Variants in CNTNAP5 observed in about 807,000 individuals in gnomAD.
The protein encoded by CNTNAP5 is contactin-associated protein-like 5.
CNTNAP5 carries 72 observed loss-of-function variants against 150.2 expected under a neutral mutation model. That is an observed-to-expected ratio of 0.48 (90% CI 0.40 to 0.58). The LOEUF is 0.58. CNTNAP5 is among the 20% of genes least tolerant of loss of function. The pLI, the probability that CNTNAP5 is intolerant of heterozygous loss-of-function variation, is 0.00. For synonymous variants in CNTNAP5, 672 were observed against 619.8 expected, an observed-to-expected ratio of 1.08 and a Z score of -1.25; for missense variants, 1,636 against 1,626.2, an observed-to-expected ratio of 1.01 and a Z score of -0.10.
At chr2:124,090,872 G>A (rs1682796917) in intron 1 of CNTNAP5, among the ~76,000 whole-genome samples, 1 of 152,138 alleles carries the variant, frequency 6.6e-6, no homozygotes, top group Non-Finnish European at 1.5e-5. Flanking sequence ...GAAATAAGTA[G>A]GATTCAAACA....
chr2:124,673,752 G>A (rs1678869871), intron 13 of CNTNAP5, among the ~76,000 whole-genome samples: 1 of 143,714 alleles, frequency 7.0e-6, no homozygotes, highest in Admixed American at 6.9e-5. Flanking sequence ...TTTCTGCAGA[G>A]TCCTACAGCA....
chr2:124,914,443 G>A lies in CNTNAP5; in HGVS notation c.*155G>A. The A allele has an allele frequency of 1.6e-6, 1 of 635,998 alleles. No individual in the cohort carries two copies. The highest frequency in any genetic ancestry group is 2.8e-6 in the Non-Finnish European group (1 of 362,028). 39.4% of individuals were successfully genotyped at this position (635,998 alleles called of 1,614,324 possible). ...CATCCACCACAGCATCAATTCCCTT[G>A]ATCCAGCCCAAGAGACCAGGCAGCC... On this transcript the variant is annotated 3_prime_UTR_variant, in exon 24 of 24. Transcript: ENST00000682447.
At chr2:124,412,865 C>A (rs1368603605) in intron 3 of CNTNAP5, among the ~76,000 whole-genome samples, 2 of 102,356 alleles carry the variant, frequency 2.0e-5, no homozygotes, top group Non-Finnish European at 3.9e-5. Flanking sequence ...GCAACAAAAG[C>A]CAAAATTGAC....
At chr2:124,336,947 C>G (rs1487493499) in intron 3 of CNTNAP5, among the ~76,000 whole-genome samples, 1 of 152,114 alleles carries the variant, frequency 6.6e-6, no homozygotes, top group African/African-American at 2.4e-5. Flanking sequence ...GAGGAATCGC[C>G]ACACTGATTT....
chr2:124,611,962 G>A (rs1290108557), intron 12 of CNTNAP5, among the ~76,000 whole-genome samples: 2 of 152,188 alleles, frequency 1.3e-5, no homozygotes, highest in Non-Finnish European at 1.5e-5. Flanking sequence ...GAGAATATGA[G>A]CATTTCATGA....
chr2:124,040,786 G>C (rs1394543577), intron 1 of CNTNAP5, among the ~76,000 whole-genome samples: 1 of 151,958 alleles, frequency 6.6e-6, no homozygotes, highest in Non-Finnish European at 1.5e-5. Context: ...TATTATAACT[G>C]TTGCATTAAT....
intron 13 of CNTNAP5, among the ~76,000 whole-genome samples, chr2:124,703,413 C>T (rs557220560): frequency 1.2e-4 from 19 of 152,232 alleles, no homozygotes; most frequent in African/African-American, 4.1e-4. Context: ...ACTTGCTCAG[C>T]TTGCATATCT....
chr2:124,570,032 G>A (rs765134091), intron 11 of CNTNAP5, among the ~76,000 whole-genome samples: 3 of 152,174 alleles, frequency 2.0e-5, no homozygotes, highest in Non-Finnish European at 4.4e-5. Flanking sequence ...TAGAAATGGT[G>A]AGACAGAAGA....
chr2:124,619,747 C>A (rs991145785), intron 12 of CNTNAP5, among the ~76,000 whole-genome samples: 3 of 150,896 alleles, frequency 2.0e-5, no homozygotes, highest in Non-Finnish European at 4.4e-5. Context: ...CTTCCTGGGT[C>A]TCTTGTCTGC....
chr2:124,075,445 A>G lies in CNTNAP5; in HGVS notation c.82+49713A>G, dbSNP rs58790623. 5.3e-3 allele frequency among the ~76,000 whole-genome samples: 799 copies of G among 152,166 alleles called. 29 individuals carry two copies. The East Asian group carries it at 0.075, about 14-fold the overall frequency. On this transcript the variant is annotated intron_variant, in intron 1 of 23. Transcript: ENST00000682447. Reference sequence around the variant, plus strand: ...CCTTTTTGTCACAATCACTTTTCTCATTTATGTTGATAAGTTCATCTTTGC... The same window carrying G: ...CCTTTTTGTCACAATCACTTTTCTCGTTTATGTTGATAAGTTCATCTTTGC...
At chr2:124,400,669 G>GTTTTTTTTTTTTTTTTTTTTTTTTTTTTT (rs760418441) in intron 3 of CNTNAP5, among the ~76,000 whole-genome samples, 4 of 84,498 alleles carry the variant, frequency 4.7e-5, no homozygotes, top group African/African-American at 7.5e-5. Context: ...TAAAGGCATT[G>GTTTTTTTTTTTTTTTTTTTTTTTTTTTTT]TTTTTTTTTT....
chr2:124,479,298 T>C (rs1374705505), intron 7 of CNTNAP5, among the ~76,000 whole-genome samples: 13 of 152,300 alleles, frequency 8.5e-5, no homozygotes, highest in Non-Finnish European at 1.6e-4. Flanking sequence ...TTTCATACCT[T>C]GCACTCCATC....
chr2:124,562,537 A>G (rs977361127), intron 10 of CNTNAP5, among the ~76,000 whole-genome samples: 4 of 152,176 alleles, frequency 2.6e-5, no homozygotes, highest in Non-Finnish European at 5.9e-5. Flanking sequence ...GCCTTAAGAC[A>G]AGGTCATCTC....
intron 19 of CNTNAP5, among the ~76,000 whole-genome samples, chr2:124,850,337 T>A (rs1471766543): frequency 6.6e-6 from 1 of 152,164 alleles, no homozygotes; most frequent in East Asian, 1.9e-4. Context: ...GACTGGTGTC[T>A]TTTTAAGGAA....
At chr2:124,594,920 A>T (rs1436778488) in intron 11 of CNTNAP5, among the ~76,000 whole-genome samples, 1 of 98,182 alleles carries the variant, frequency 1.0e-5, no homozygotes, top group African/African-American at 3.7e-5. Context: ...GAGTTCACTC[A>T]TGATTTGGCT....
At chr2:124,903,705 T>C (rs901784024) in intron 22 of CNTNAP5, among the ~76,000 whole-genome samples, 1 of 152,084 alleles carries the variant, frequency 6.6e-6, no homozygotes, top group Admixed American at 6.6e-5. Flanking sequence ...TTTTAGCAAA[T>C]GTCAAGTAAA....
chr2:124,032,495 TG>T (rs2104621883), intron 1 of CNTNAP5, among the ~76,000 whole-genome samples: 1 of 152,100 alleles, frequency 6.6e-6, no homozygotes, highest in African/African-American at 2.4e-5. Flanking sequence ...AGTTAAGAGA[TG>T]ATTACAATAA....
Position 124,915,854 on chromosome 2 carries a change from T to C in CNTNAP5, c.*1566T>C, listed in dbSNP as rs1218999984. Among the ~76,000 whole-genome samples, 1 of 152,042 alleles carries C rather than the reference T, an allele frequency of 6.6e-6. No homozygotes were observed. Among genetic ancestry groups the C allele is most frequent in the Admixed American group, 6.6e-5 (1 of 15,252 alleles). ...GGAGAAAAAGGTAAGGAGAAGACAA[T>C]GTAAATGCTCCAAGATAGTGGAAAT... On this transcript the variant is annotated 3_prime_UTR_variant, in exon 24 of 24. Coordinates refer to ENST00000682447, the MANE Select transcript of CNTNAP5 (RefSeq NM_001367498.1).
chr2:124,182,870 A>G (rs1333696565), intron 1 of CNTNAP5, among the ~76,000 whole-genome samples: 1 of 152,120 alleles, frequency 6.6e-6, no homozygotes, highest in Admixed American at 6.6e-5. Context: ...ATTTTGTTCC[A>G]TACCAGCCAA....
Sources: allele counts gnomAD v4.1 joint callset (sites outside exome capture counted in the v4.1 genomes callset), GRCh38; gene constraint gnomAD v4.1.1; transcripts MANE v1.5; gene names NCBI Gene and HGNC (gene_info 2026-07-23, HGNC 2026-07-21).